Variants in ZNF587 observed in about 807,000 individuals in gnomAD.
ZNF587 encodes the protein zinc finger protein zfp6.
ZNF587 carries 8 observed loss-of-function variants against 7.5 expected under a neutral mutation model. The observed-to-expected ratio is 1.06, with a 90% CI of 0.62 to 1.92. The LOEUF (loss-of-function observed/expected upper bound fraction) is 1.92. Among genes scored for constraint, ZNF587 ranks in the 40% most tolerant of loss-of-function variants. The probability of loss-of-function intolerance (pLI) is 0.00; values close to 1 mark genes in which losing one functional copy is unlikely to be tolerated. For synonymous variants in ZNF587, 145 were observed against 237.8 expected (o/e 0.61, Z 3.59); for missense variants, 468 against 692.8 (o/e 0.68, Z 3.64).
chr19:57,858,946 C>A lies in ZNF587; in HGVS notation c.534C>A (p.Asp178Glu). The change falls in exon 3 of 3, where the codon GAC becomes GAA. Residue 178 changes from aspartate (D) to glutamate (E), a missense_variant. Asp to Glu is a conservative substitution (Grantham distance 45). Transcript: ENST00000339656. Reference protein sequence around the residue: ...EPFVFREFGKDVLPSSGLCQE... With the variant: ...EPFVFREFGKEVLPSSGLCQE... Reference sequence around the variant, plus strand: ...TTGTCTTCCGCGAGTTTGGGAAGGACGTTCTGCCCAGTTCAGGATTGTGCC... The same window carrying A: ...TTGTCTTCCGCGAGTTTGGGAAGGAAGTTCTGCCCAGTTCAGGATTGTGCC... 3 of 1,612,456 alleles carry A rather than the reference C, an allele frequency of 1.9e-6. No individual in the cohort carries two copies. Among genetic ancestry groups the A allele is most frequent in the Non-Finnish European group, 2.5e-6 (3 of 1,179,562 alleles).
At chr19:57,856,438 C>G (rs544239336) in intron 2 of ZNF587, among the ~76,000 whole-genome samples, 3 of 149,722 alleles carry the variant, frequency 2.0e-5, no homozygotes, top group Middle Eastern at 3.4e-3. Context: ...GACAGTGTCT[C>G]GCTCTGTCAC....
Position 57,859,384 on chromosome 19 carries a change from T to C in ZNF587, c.972T>C (p.Tyr324=), listed in dbSNP as rs1275366233. ...HQLVHTGEGP[Y]ECRECGKSFG... is the part of the protein sequence containing the mutation. ...TTGTTCACACTGGAGAAGGGCCTTA[T>C]GAGTGTAGAGAATGTGGGAAATCTT... The change falls in exon 3 of 3, where the codon TAT becomes TAC. Residue 324 remains tyrosine, a synonymous_variant. Coordinates refer to ENST00000339656, the MANE Select transcript of ZNF587 (RefSeq NM_032828.4). The C allele has an allele frequency of 1.9e-6, 3 of 1,608,662 alleles. No individual in the cohort carries two copies. Among genetic ancestry groups the C allele is most frequent in the African/African-American group, 1.4e-5 (1 of 70,370 alleles).
Position 57,850,049 on chromosome 19 carries a change from C to G in ZNF587, c.11C>G (p.Ala4Gly). 6.2e-7 allele frequency: 1 copy of G among 1,614,252 alleles called. No individual in the cohort carries two copies. The highest frequency in any genetic ancestry group is 8.5e-7 in the Non-Finnish European group (1 of 1,180,052). The part of the protein sequence containing the change: MAA[A>G]VPRRPTQQGT... ...TCCCCAAGTAGTCCGATGGCAGCGG[C>G]TGTGCCGAGGCGCCCAACTCAGGTA... The change falls in exon 1 of 3, where the codon GCT becomes GGT. Residue 4 changes from alanine to glycine, a missense_variant. This residue lies in a region of ZNF587 where 92 missense variants were observed against 89.7 expected (regional missense o/e 1.03). Transcript: ENST00000339656.
intron 1 of ZNF587, among the ~76,000 whole-genome samples, chr19:57,854,991 A>C (rs535430715): frequency 1.3e-5 from 2 of 151,640 alleles, no homozygotes; most frequent in South Asian, 4.2e-4. Flanking sequence ...CCTGGCTAAC[A>C]CAGTGAAACC....
chr19:57,856,029 G>C (rs1600121765), intron 1 of ZNF587, 75 bp from the exon 2 acceptor site: 2 of 1,591,916 alleles, frequency 1.3e-6, no homozygotes, highest in Non-Finnish European at 1.7e-6. Flanking sequence ...ATGGGCAAGG[G>C]TGGGTGTGTG....
intron 1 of ZNF587, chr19:57,851,335 G>A (rs1354952212): frequency 6.6e-6 from 1 of 152,152 alleles, no homozygotes; most frequent in African/African-American, 2.4e-5. Context: ...TTTCAGGAAA[G>A]GGCTATTATC....
chr19:57,853,947 G>C (rs940764125), intron 1 of ZNF587: 14 of 152,018 alleles, frequency 9.2e-5, no homozygotes, highest in African/African-American at 3.4e-4. Context: ...GTAGAGACAG[G>C]GTTTCACCAT....
intron 1 of ZNF587, chr19:57,850,609 C>T (rs1320408699): frequency 2.5e-6 from 1 of 401,190 alleles, no homozygotes; most frequent in African/African-American, 2.1e-5. Flanking sequence ...GAAACCAGCC[C>T]CACACCACCC....
Position 57,859,372 on chromosome 19 carries a change from A to C in ZNF587, c.960A>C (p.Gly320=). 1 of 1,610,994 alleles carries C rather than the reference A, an allele frequency of 6.2e-7. No homozygotes were observed. The highest frequency in any genetic ancestry group is 8.5e-7 in the Non-Finnish European group (1 of 1,179,776). The change falls in exon 3 of 3, where the codon GGA becomes GGC. Residue 320 remains glycine (G), a synonymous_variant. Transcript: ENST00000339656. ...TTAGCCATCAGCTTGTTCACACTGG[A>C]GAAGGGCCTTATGAGTGTAGAGAAT... The part of the protein sequence containing the change: ...SLISHQLVHT[G]EGPYECRECG...
chr19:57,851,013 A>T (rs1301967651), intron 1 of ZNF587: 1 of 153,266 alleles, frequency 6.5e-6, no homozygotes, highest in African/African-American at 2.4e-5. Context: ...GATCTCCCTG[A>T]GCAACCCATG....
chr19:57,852,718 A>G (rs36065194), intron 1 of ZNF587, among the ~76,000 whole-genome samples: 4 of 150,656 alleles, frequency 2.7e-5, no homozygotes, highest in Admixed American at 6.6e-5. Context: ...AGTAGAGACG[A>G]GGTTTTACCA....
rs2071491773 is a variant in ZNF587 at position 57,865,083 on chromosome 19, G to A, written c.*4943G>A. On this transcript the variant is annotated 3_prime_UTR_variant, in exon 3 of 3. Coordinates refer to ENST00000339656, the MANE Select transcript of ZNF587 (RefSeq NM_032828.4). ...GAAGTTAATCTTCCTGCTTGTATGTGAATTAAATATATGTCAAACTTTTTT... is the reference window on the plus strand; with the variant it reads ...GAAGTTAATCTTCCTGCTTGTATGTAAATTAAATATATGTCAAACTTTTTT... 6.6e-6 allele frequency: 1 copy of A among 152,160 alleles called. No homozygotes were observed. The highest frequency in any genetic ancestry group is 2.4e-5 in the African/African-American group (1 of 41,430). 9.4% of individuals were successfully genotyped at this position (152,160 alleles called of 1,614,324 possible). A position where few individuals can be genotyped will look rare whatever the true frequency, so the allele number is the denominator to read the frequency against.
rs574186426 is a variant in ZNF587 at position 57,860,486 on chromosome 19, C to T, written c.*346C>T. ...GTTTTACCATGTTGGCCAGGCTGGT[C>T]TCAAACTCCTGACCTCAAGTGATCC... On this transcript the variant is annotated 3_prime_UTR_variant, in exon 3 of 3. Coordinates refer to ENST00000339656, the MANE Select transcript of ZNF587 (RefSeq NM_032828.4). 2 of 322,114 alleles carry T rather than the reference C, an allele frequency of 6.2e-6. No homozygotes were observed. Among genetic ancestry groups the T allele is most frequent in the Non-Finnish European group, 1.2e-5 (2 of 170,382 alleles). 20.0% of individuals were successfully genotyped at this position (322,114 alleles called of 1,614,324 possible).
At position 57,859,610 on chromosome 19, in the gene ZNF587, C is replaced by A. The variant is rs181083863; in HGVS notation, c.1198C>A (p.Arg400=). The A allele has an allele frequency of 6.8e-6, 11 of 1,613,658 alleles. No individual in the cohort carries two copies. In the Admixed American group the frequency reaches 1.8e-4, roughly 27 times the overall value. ...AAAGGGCAACCTCGTTCACCATCAG[C>A]GAGGTCATACTGGAGAAAGGCCCTA... ...GQKGNLVHHQ[R]GHTGERPYEC... The change falls in exon 3 of 3, where the codon CGA becomes AGA. Residue 400 remains arginine (R), a synonymous_variant. Coordinates refer to ENST00000339656, the MANE Select transcript of ZNF587 (RefSeq NM_032828.4).
At chr19:57,858,216 T>G (rs1008456656) in intron 2 of ZNF587, 5 of 271,328 alleles carry the variant, frequency 1.8e-5, no homozygotes, top group Admixed American at 5.2e-5. Context: ...AACCTCTGCC[T>G]TCTGGGTTCA....
rs372730849 is a variant in ZNF587, at chr19:57,849,992, C to T, written c.-47C>T. 83 of 1,613,860 alleles carry T rather than the reference C, an allele frequency of 5.1e-5. No individual in the cohort carries two copies. Among genetic ancestry groups the T allele is most frequent in the Non-Finnish European group, 6.7e-5 (79 of 1,180,032 alleles). The stretch of plus-strand genomic sequence containing the variant: ...GTGCCCAGAGGCGGCTCTGCAGCCC[C>T]GTGACGGCGACCACTGCTCCCGGGC... On this transcript the variant is annotated 5_prime_UTR_variant, in exon 1 of 3. Transcript: ENST00000339656.
In ZNF587 at chr19:57,864,380, C is replaced by T. The variant is rs1357517589; in HGVS notation, c.*4240C>T. 6.6e-6 allele frequency: 1 copy of T among 151,974 alleles called. No individual in the cohort carries two copies. Among genetic ancestry groups the T allele is most frequent in the Non-Finnish European group, 1.5e-5 (1 of 68,038 alleles). The allele number at this position is 151,974 out of a possible 1,614,324, so 9.4% of individuals were successfully genotyped here. A position where few individuals can be genotyped will look rare whatever the true frequency, so the allele number is the denominator to read the frequency against. ...AACTCCTGACCTCATGATCCACCCC[C>T]CTCGGCCTCCTAAAGTGCTGGGATT... On this transcript the variant is annotated 3_prime_UTR_variant, in exon 3 of 3. Coordinates refer to ENST00000339656, the MANE Select transcript of ZNF587 (RefSeq NM_032828.4).
rs1289350867 is a variant in ZNF587 at position 57,863,977 on chromosome 19, A to C, written c.*3837A>C. On this transcript the variant is annotated 3_prime_UTR_variant, in exon 3 of 3. Transcript: ENST00000339656. ...AAAATCGGTTGAACCTGGGAGGTGG[A>C]AGGTGCACTGAGCCAATATCACACC... The C allele has an allele frequency of 6.6e-6, 1 of 150,480 alleles. No homozygotes were observed. The highest frequency in any genetic ancestry group is 1.5e-5 in the Non-Finnish European group (1 of 67,692). The allele number at this position is 150,480 out of a possible 1,614,324, so 9.3% of individuals were successfully genotyped here.
chr19:57,857,185 T>C (rs1241714763), intron 2 of ZNF587: 2 of 151,960 alleles, frequency 1.3e-5, no homozygotes, highest in Non-Finnish European at 2.9e-5. Context: ...CTCATCACGA[T>C]AGGCTCAAAG....
Sources: allele counts gnomAD v4.1 joint callset (sites outside exome capture counted in the v4.1 genomes callset), GRCh38; gene constraint gnomAD v4.1.1; regional missense constraint gnomAD v4.1.1; transcripts MANE v1.5; gene names NCBI Gene and HGNC (gene_info 2026-07-23, HGNC 2026-07-21).